UBE2O: variants seen among roughly 807,000 people sequenced by gnomAD.
UBE2O encodes the protein ubiquitin conjugating enzyme E2 O, also known as (E3-independent) E2 ubiquitin-conjugating enzyme.
A neutral mutation model predicts 125.8 loss-of-function variants in UBE2O; 15 were observed. The observed-to-expected ratio is 0.12, with a 90% confidence interval of 0.08 to 0.18. The LOEUF (loss-of-function observed/expected upper bound fraction) is 0.18, where lower values mean the gene tolerates loss of function less well. Among genes scored for constraint, UBE2O ranks in the 10% least tolerant of loss-of-function variants. The pLI, the probability that UBE2O is intolerant of heterozygous loss-of-function variation, is 1.00. For missense variants in UBE2O, 1,280 were observed against 1,723.6 expected, an observed-to-expected ratio of 0.74 and a Z score of 4.56; for synonymous variants, 708 against 703.2, an observed-to-expected ratio of 1.01 and a Z score of -0.11.
intron 1 of UBE2O, among the ~76,000 whole-genome samples, chr17:76,438,266 G>C (rs1424346542): frequency 6.6e-6 from 1 of 152,116 alleles, no homozygotes; most frequent in Non-Finnish European, 1.5e-5. Flanking sequence ...TGGTGGGGAT[G>C]GTTGCACAAC....
At chr17:76,442,010 G>A (rs76891045) in intron 1 of UBE2O, among the ~76,000 whole-genome samples, 1 of 152,318 alleles carries the variant, frequency 6.6e-6, no homozygotes, top group South Asian at 2.1e-4. Context: ...ATCCTCCTAA[G>A]GTGAGGACTG....
At chr17:76,436,241 C>T (rs990407478) in intron 1 of UBE2O, among the ~76,000 whole-genome samples, 4 of 152,054 alleles carry the variant, frequency 2.6e-5, no homozygotes, top group African/African-American at 9.7e-5. Context: ...GAGCAAACTC[C>T]ATCTCAAAAA....
In UBE2O at chr17:76,410,604, G is replaced by C. The variant is rs1042923263; in HGVS notation, c.418-5032C>G. Among the ~76,000 whole-genome samples, 4 of 152,208 alleles carry C rather than the reference G, an allele frequency of 2.6e-5. No homozygotes were observed. The highest frequency in any genetic ancestry group is 1.5e-5 in the Non-Finnish European group (1 of 68,040). The stretch of plus-strand genomic sequence containing the variant: ...AAGTAGGAAAGCAATCAAATGGTAA[G>C]TGAGGGGTCAGGGACAATGCCAGGG... On this transcript the variant is annotated intron_variant, in intron 1 of 17. Coordinates refer to ENST00000319380, the MANE Select transcript of UBE2O (RefSeq NM_022066.4). The surrounding 1 kb of genome is among the most constrained non-coding windows in gnomAD (Gnocchi z 4.0).
At position 76,405,337 on chromosome 17, in the gene UBE2O, G is replaced by C; in HGVS notation, c.478-21C>G. ...CTGTCCTGGGGGAGGGAGGAGACATGCAAGTCCCGTGGTGCAGCAGCCCTG... is the reference window on the plus strand; with the variant it reads ...CTGTCCTGGGGGAGGGAGGAGACATCCAAGTCCCGTGGTGCAGCAGCCCTG... On this transcript the variant is annotated intron_variant, in intron 2 of 17. Coordinates refer to ENST00000319380, the MANE Select transcript of UBE2O (RefSeq NM_022066.4). The surrounding 1 kb of genome is among the most constrained non-coding windows in gnomAD (Gnocchi z 6.1). 2 of 1,593,820 alleles carry C rather than the reference G, an allele frequency of 1.3e-6. No homozygotes were observed. Among genetic ancestry groups the C allele is most frequent in the East Asian group, 2.2e-5 (1 of 44,502 alleles).
Position 76,399,185 on chromosome 17 carries a change from A to T in UBE2O, c.1629-194T>A. On this transcript the variant is annotated intron_variant, in intron 9 of 17. Transcript: ENST00000319380. The surrounding 1 kb of genome is among the most constrained non-coding windows in gnomAD (Gnocchi z 6.9). ...AGGCCACGCATTCTCTGAGAACAGG[A>T]TCCACTTGGGAGAGCTCAGGCAAAT... 1 of 804,566 alleles carries T rather than the reference A, an allele frequency of 1.2e-6. No individual in the cohort carries two copies. Among genetic ancestry groups the T allele is most frequent in the Non-Finnish European group, 1.9e-6 (1 of 522,592 alleles). 49.8% of individuals were successfully genotyped at this position (804,566 alleles called of 1,614,324 possible).
At position 76,390,915 on chromosome 17, in the gene UBE2O, G is replaced by C; in HGVS notation, c.*28C>G. On this transcript the variant is annotated 3_prime_UTR_variant, in exon 18 of 18. Coordinates refer to ENST00000319380, the MANE Select transcript of UBE2O (RefSeq NM_022066.4). Reference sequence around the variant, plus strand: ...CAGGCGGCGGCTGGCCTCTCCCACGGTGATGCTCTTTCCTCTGTGCCTGGC... The same window carrying C: ...CAGGCGGCGGCTGGCCTCTCCCACGCTGATGCTCTTTCCTCTGTGCCTGGC... The C allele has an allele frequency of 6.4e-7, 1 of 1,569,412 alleles. No individual in the cohort carries two copies. The highest frequency in any genetic ancestry group is 8.6e-7 in the Non-Finnish European group (1 of 1,158,730).
rs2072392881 is a variant in UBE2O at position 76,405,123 on chromosome 17, G to A, written c.588+83C>T. On this transcript the variant is annotated intron_variant, in intron 3 of 17. Transcript: ENST00000319380. The surrounding 1 kb of genome is among the most constrained non-coding windows in gnomAD (Gnocchi z 6.1). ...GGAAGGCTGTGCTTGGCAAGAGCAC[G>A]GAGGAGGCTGTAGCCCAGAGGTCGT... 6 of 1,046,940 alleles carry A rather than the reference G, an allele frequency of 5.7e-6. No homozygotes were observed. The highest frequency in any genetic ancestry group is 1.6e-5 in the African/African-American group (1 of 62,866). 64.9% of individuals were successfully genotyped at this position (1,046,940 alleles called of 1,614,324 possible).
At chr17:76,426,142 A>G (rs1234345515) in intron 1 of UBE2O, among the ~76,000 whole-genome samples, 1 of 152,186 alleles carries the variant, frequency 6.6e-6, no homozygotes, top group Non-Finnish European at 1.5e-5. Flanking sequence ...AGCTGGGACT[A>G]CAGATGCACA....
At chr17:76,417,619 C>T (rs2072636817) in intron 1 of UBE2O, among the ~76,000 whole-genome samples, 1 of 152,150 alleles carries the variant, frequency 6.6e-6, no homozygotes, top group Admixed American at 6.6e-5. Flanking sequence ...AATGAGAGTG[C>T]ACTGGGTGGC....
chr17:76,444,325 G>A (rs1218574250), intron 1 of UBE2O, among the ~76,000 whole-genome samples: 3 of 152,166 alleles, frequency 2.0e-5, no homozygotes, highest in Non-Finnish European at 4.4e-5. Flanking sequence ...GAAGTGGGAG[G>A]ATCACTTGGG....
In UBE2O at chr17:76,399,993, CT is replaced by C; in HGVS notation, c.1156-73del. The C allele has an allele frequency of 6.5e-7, 1 of 1,536,902 alleles. No homozygotes were observed. The highest frequency in any genetic ancestry group is 1.4e-5 in the African/African-American group (1 of 72,870). On this transcript the variant is annotated intron_variant, in intron 8 of 17. Transcript: ENST00000319380. This position sits in a 1 kb window ranked among gnomAD's most constrained non-coding sequence, Gnocchi z 6.9. Reference sequence around the variant, plus strand: ...CAGGCCTGGCCCTAGGCATCTCAGGCTGGGGGGATGACAGCTGTATACACCT... The same window carrying C: ...CAGGCCTGGCCCTAGGCATCTCAGGCGGGGGGATGACAGCTGTATACACCT...
intron 1 of UBE2O, among the ~76,000 whole-genome samples, chr17:76,438,640 AG>A (rs2073035336): frequency 6.6e-6 from 1 of 152,200 alleles, no homozygotes; most frequent in Non-Finnish European, 1.5e-5. Flanking sequence ...TAGGTTCGAT[AG>A]ATTTCAGATT....
intron 1 of UBE2O, among the ~76,000 whole-genome samples, chr17:76,440,172 C>T (rs926185555): frequency 2.6e-5 from 4 of 152,182 alleles, no homozygotes; most frequent in Admixed American, 1.3e-4. Context: ...TCTCTCCTAT[C>T]TAAGTCTCTG....
intron 1 of UBE2O, among the ~76,000 whole-genome samples, chr17:76,443,811 G>C (rs559062934): frequency 2.6e-5 from 4 of 152,290 alleles, no homozygotes. Flanking sequence ...AAAGAAAAGA[G>C]AGGTCTTTGG....
Position 76,398,778 on chromosome 17 carries a change from C to G in UBE2O, c.1783+59G>C. The G allele has an allele frequency of 6.3e-7, 1 of 1,589,192 alleles. No homozygotes were observed. Among genetic ancestry groups the G allele is most frequent in the Non-Finnish European group, 8.6e-7 (1 of 1,167,030 alleles). ...ATCCACTGCCCATTCTCCACAAGCC[C>G]CAACCCGGGCCCTCATTGGCGACCA... On this transcript the variant is annotated intron_variant, in intron 10 of 17. Transcript: ENST00000319380. The surrounding 1 kb of genome is among the most constrained non-coding windows in gnomAD (Gnocchi z 5.4).
intron 1 of UBE2O, among the ~76,000 whole-genome samples, chr17:76,423,177 G>C (rs983276703): frequency 6.6e-6 from 1 of 152,116 alleles, no homozygotes; most frequent in Non-Finnish European, 1.5e-5. Flanking sequence ...GGTAGGTGAG[G>C]GGGTGGATGT....
rs1396565017 is a variant in UBE2O, at chr17:76,405,377, C to A, written c.478-61G>T. 6.5e-7 allele frequency: 1 copy of A among 1,540,810 alleles called. No homozygotes were observed. Among genetic ancestry groups the A allele is most frequent in the Non-Finnish European group, 8.9e-7 (1 of 1,123,672 alleles). ...CAGCAGCCCTGGTCACCAGGGGAGA[C>A]CCAGCCCAGGCAACCCCAGCGCACC... On this transcript the variant is annotated intron_variant, in intron 2 of 17. Coordinates refer to ENST00000319380, the MANE Select transcript of UBE2O (RefSeq NM_022066.4). The surrounding 1 kb of genome is among the most constrained non-coding windows in gnomAD (Gnocchi z 6.1).
At chr17:76,438,100 C>T (rs2073026822) in intron 1 of UBE2O, among the ~76,000 whole-genome samples, 1 of 152,188 alleles carries the variant, frequency 6.6e-6, no homozygotes, top group African/African-American at 2.4e-5. Flanking sequence ...GCCACGCTTC[C>T]CTCTTCTTAC....
chr17:76,411,353 G>A (rs556100264), intron 1 of UBE2O, among the ~76,000 whole-genome samples: 48 of 152,316 alleles, frequency 3.2e-4, no homozygotes, highest in African/African-American at 1.1e-3. Flanking sequence ...CTGTAGGAGC[G>A]GATGGCTCCT....
Sources: allele counts gnomAD v4.1 joint callset (sites outside exome capture counted in the v4.1 genomes callset), GRCh38; gene constraint gnomAD v4.1.1; non-coding constraint Gnocchi (gnomAD v3.1); transcripts MANE v1.5; gene names NCBI Gene and HGNC (gene_info 2026-07-23, HGNC 2026-07-21).